The following ALDH3A2 variants were observed in gnomAD, a reference collection of about 807,000 sequenced individuals.
The protein encoded by ALDH3A2 is aldehyde dehydrogenase 3 family member A2, also known as aldehyde dehydrogenase family 3 member A2.
In ALDH3A2, 36 loss-of-function variants were observed where a neutral mutation model predicts 51.3. The ratio of observed to expected loss-of-function variants is 0.70; its 90% CI spans 0.54 to 0.93. The LOEUF is 0.93. Among genes scored for constraint, ALDH3A2 ranks in the 40% least tolerant of loss-of-function variants. The probability of loss-of-function intolerance (pLI) is 0.00; values close to 1 mark genes in which losing one functional copy is unlikely to be tolerated. For missense variants in ALDH3A2, 552 were observed against 603.1 expected, an observed-to-expected ratio of 0.92 and a Z score of 0.89; for synonymous variants, 199 against 219.8, an observed-to-expected ratio of 0.91 and a Z score of 0.84.
At chr17:19,663,642 T>G in intron 7 of ALDH3A2, 143 bp downstream of exon 7, 1 of 1,019,438 alleles carries the variant, frequency 9.8e-7, no homozygotes, top group Non-Finnish European at 1.4e-6. Context: ...CTAAGTGAGG[T>G]TGTGTTCCGA....
intron 9 of ALDH3A2, among the ~76,000 whole-genome samples, chr17:19,672,668 T>C (rs1261461100): frequency 6.6e-6 from 1 of 152,158 alleles, no homozygotes; most frequent in Non-Finnish European, 1.5e-5. Flanking sequence ...ACTGAGGATA[T>C]AACATTGAAA....
chr17:19,671,206 G>A (rs984743936), intron 8 of ALDH3A2, among the ~76,000 whole-genome samples: 2 of 152,188 alleles, frequency 1.3e-5, no homozygotes. Context: ...CAGGCTTTGA[G>A]AAAGCAAGTG....
intron 4 of ALDH3A2, 61 bp downstream of exon 4, chr17:19,656,635 A>G: frequency 6.8e-7 from 1 of 1,472,582 alleles, no homozygotes; most frequent in Non-Finnish European, 9.3e-7. Context: ...TTTCCTGACA[A>G]TGTTACTCTT....
Position 19,671,852 on chromosome 17 carries a change from A to G in ALDH3A2, c.1339A>G (p.Lys447Glu), listed in dbSNP as rs67939114. Reference sequence around the variant, plus strand: ...CAGATATCCTCCCAACAGCCAGTCAAAGGTGGATTGGGGAAAATTTTTTCT... The same window carrying G: ...CAGATATCCTCCCAACAGCCAGTCAGAGGTGGATTGGGGAAAATTTTTTCT... ...KLRYPPNSQS[K>E]VDWGKFFLLK... is the part of the protein sequence containing the mutation. The change falls in exon 9 of 10, where the codon AAG becomes GAG. Residue 447 changes from lysine to glutamate, a missense_variant. Physicochemically the swap from Lys to Glu is moderately conservative, Grantham distance 56 (BLOSUM62 1). Coordinates refer to ENST00000176643, the MANE Select transcript of ALDH3A2 (RefSeq NM_000382.3). The G allele has an allele frequency of 6.8e-6, 11 of 1,614,228 alleles. No individual in the cohort carries two copies. In the East Asian group the frequency reaches 2.5e-4, roughly 36 times the overall value.
intron 5 of ALDH3A2, 70 bp downstream of exon 5, chr17:19,657,932 A>T (rs2152328810): frequency 1.6e-6 from 2 of 1,234,020 alleles, no homozygotes; most frequent in Non-Finnish European, 1.2e-6. Flanking sequence ...ATTCGCAGGC[A>T]GCATCCCCAT....
intron 7 of ALDH3A2, among the ~76,000 whole-genome samples, chr17:19,664,208 G>T (rs2085005390): frequency 6.6e-6 from 1 of 152,214 alleles, no homozygotes; most frequent in African/African-American, 2.4e-5. Flanking sequence ...TAAAGACTGG[G>T]TTATTAACAA....
At chr17:19,666,693 C>T (rs944072477) in intron 8 of ALDH3A2, among the ~76,000 whole-genome samples, 34 of 152,022 alleles carry the variant, frequency 2.2e-4, no homozygotes, top group African/African-American at 8.2e-4. Flanking sequence ...AGGAGAATTG[C>T]TTGAACCAGG....
chr17:19,659,353 C>A (rs900864378), intron 5 of ALDH3A2, among the ~76,000 whole-genome samples: 1 of 151,822 alleles, frequency 6.6e-6, no homozygotes, highest in African/African-American at 2.4e-5. Context: ...GCCTGGTCAA[C>A]ATAATGAGAC....
chr17:19,670,985 T>C (rs910811185), intron 8 of ALDH3A2, among the ~76,000 whole-genome samples: 2 of 152,170 alleles, frequency 1.3e-5, no homozygotes, highest in Non-Finnish European at 2.9e-5. Flanking sequence ...GGTAAACTGC[T>C]CCCTGGCCTC....
intron 3 of ALDH3A2, among the ~76,000 whole-genome samples, chr17:19,653,175 G>A (rs2084841217): frequency 6.6e-6 from 1 of 151,718 alleles, no homozygotes; most frequent in Admixed American, 6.6e-5. Flanking sequence ...CTCCCAAGTA[G>A]CTGGGATTAC....
intron 6 of ALDH3A2, 107 bp downstream of exon 6, chr17:19,661,375 T>G: frequency 3.8e-6 from 5 of 1,306,114 alleles, no homozygotes; most frequent in Non-Finnish European, 5.5e-6. Context: ...ATTTAATTGT[T>G]AAAGTACTAA....
At chr17:19,671,513 C>G (rs1368347953) in intron 8 of ALDH3A2, among the ~76,000 whole-genome samples, 1 of 152,212 alleles carries the variant, frequency 6.6e-6, no homozygotes, top group Non-Finnish European at 1.5e-5. Flanking sequence ...TTGTCTTGCT[C>G]ATGGAAAGCA....
chr17:19,668,067 AT>A (rs541525906), intron 8 of ALDH3A2, among the ~76,000 whole-genome samples: 1 of 151,696 alleles, frequency 6.6e-6, no homozygotes, highest in Non-Finnish European at 1.5e-5. Context: ...GTGAGTTTGA[AT>A]TTTTTTTACC....
At chr17:19,658,553 T>C (rs911378535) in intron 5 of ALDH3A2, among the ~76,000 whole-genome samples, 6 of 151,564 alleles carry the variant, frequency 4.0e-5, no homozygotes, top group African/African-American at 9.7e-5. Context: ...GGTGAAACCC[T>C]GTCTCTACTA....
intron 9 of ALDH3A2, chr17:19,674,122 A>G (rs1264162000): frequency 6.6e-6 from 1 of 152,170 alleles, no homozygotes; most frequent in Non-Finnish European, 1.5e-5. Context: ...CATGGCAGCA[A>G]ATGTCGTGAA....
intron 8 of ALDH3A2, among the ~76,000 whole-genome samples, chr17:19,665,647 A>G (rs902208605): frequency 6.6e-6 from 1 of 152,132 alleles, no homozygotes; most frequent in African/African-American, 2.4e-5. Context: ...CTTTGTGGAC[A>G]TAGCCTGATC....
At chr17:19,655,994 C>CT (rs1436359996) in intron 3 of ALDH3A2, among the ~76,000 whole-genome samples, 1 of 152,266 alleles carries the variant, frequency 6.6e-6, no homozygotes, top group Non-Finnish European at 1.5e-5. Context: ...AACATTCAGA[C>CT]TAAGACATGC....
chr17:19,660,155 C>G (rs1399105494), intron 5 of ALDH3A2, among the ~76,000 whole-genome samples: 1 of 152,044 alleles, frequency 6.6e-6, no homozygotes, highest in African/African-American at 2.4e-5. Flanking sequence ...CTCTGCCTCC[C>G]TTTGAGGCAT....
intron 9 of ALDH3A2, among the ~76,000 whole-genome samples, 178 bp downstream of exon 9, chr17:19,672,134 C>T (rs1333611557): frequency 2.6e-5 from 4 of 152,200 alleles, no homozygotes; most frequent in Non-Finnish European, 5.9e-5. Flanking sequence ...CAGCCACACC[C>T]ACTTGTTTAA....
Sources: allele counts gnomAD v4.1 joint callset (sites outside exome capture counted in the v4.1 genomes callset), GRCh38; gene constraint gnomAD v4.1.1; transcripts MANE v1.5; gene names NCBI Gene and HGNC (gene_info 2026-07-23, HGNC 2026-07-21).